The following PCSK5 variants were observed in gnomAD, a reference collection of about 807,000 sequenced individuals.
PCSK5 encodes prohormone convertase 5.
Under a neutral mutation model 233.2 loss-of-function variants are expected in PCSK5, and 129 were observed. That is an observed-to-expected ratio of 0.55 (90% CI 0.48 to 0.64). PCSK5 has a LOEUF of 0.64. PCSK5 is among the 30% of genes least tolerant of loss of function. The pLI is 0.00. For synonymous variants in PCSK5, 825 were observed against 879.2 expected, an observed-to-expected ratio of 0.94 and a Z score of 1.09; for missense variants, 2,076 against 2,430.1, an observed-to-expected ratio of 0.85 and a Z score of 3.06.
intron 4 of PCSK5, 87 bp from the exon 5 acceptor site, chr9:76,026,874 G>A (rs564517821): frequency 1.9e-5 from 16 of 856,218 alleles, no homozygotes; most frequent in Middle Eastern, 2.3e-4. Flanking sequence ...TGGCAGAAAT[G>A]TATTTAAAAA....
chr9:76,062,547 G>A (rs1407235758), intron 5 of PCSK5, among the ~76,000 whole-genome samples: 1 of 152,192 alleles, frequency 6.6e-6, no homozygotes, highest in Admixed American at 6.5e-5. Context: ...GCAGGGGTGT[G>A]TGTACACAGG....
intron 8 of PCSK5, among the ~76,000 whole-genome samples, chr9:76,098,051 C>T (rs1239078843): frequency 6.6e-6 from 1 of 152,196 alleles, no homozygotes; most frequent in Non-Finnish European, 1.5e-5. Flanking sequence ...AGAACTGTAC[C>T]TCCTTTGTGC....
intron 1 of PCSK5, among the ~76,000 whole-genome samples, chr9:75,905,111 A>G (rs1826203672): frequency 6.6e-6 from 1 of 152,152 alleles, no homozygotes. Flanking sequence ...ATCTATAGAG[A>G]CAGAGGGTAG....
chr9:76,289,091 T>C (rs968335292), intron 24 of PCSK5, among the ~76,000 whole-genome samples: 8 of 152,162 alleles, frequency 5.3e-5, no homozygotes, highest in African/African-American at 1.7e-4. Context: ...CAGGGGATCA[T>C]GAAGAGCTCT....
chr9:76,022,706 T>C (rs1435967839), intron 3 of PCSK5, among the ~76,000 whole-genome samples: 1 of 152,216 alleles, frequency 6.6e-6, no homozygotes, highest in African/African-American at 2.4e-5. Context: ...TGTTTGTATG[T>C]TGTAGCCATT....
chr9:76,229,595 GA>G (rs1378717996), intron 21 of PCSK5, among the ~76,000 whole-genome samples: 2 of 152,148 alleles, frequency 1.3e-5, no homozygotes, highest in East Asian at 1.9e-4. Context: ...TGAATTCAGA[GA>G]AAAAAATCTT....
chr9:76,126,433 G>A (rs1832856437), intron 9 of PCSK5, among the ~76,000 whole-genome samples: 1 of 152,118 alleles, frequency 6.6e-6, no homozygotes, highest in African/African-American at 2.4e-5. Context: ...GACCAACGTG[G>A]AGAAATCCCG....
intron 24 of PCSK5, among the ~76,000 whole-genome samples, chr9:76,247,072 G>A (rs867284733): frequency 1.3e-5 from 2 of 152,172 alleles, no homozygotes; most frequent in African/African-American, 4.8e-5. Flanking sequence ...TGTTCAGCTC[G>A]ATTAGGATGA....
At chr9:76,328,716 T>A (rs1829443848) in intron 33 of PCSK5, among the ~76,000 whole-genome samples, 1 of 152,234 alleles carries the variant, frequency 6.6e-6, no homozygotes. Context: ...ATTCATACAA[T>A]ACTTTAATAT....
chr9:75,966,184 AG>A (rs150375577), intron 2 of PCSK5, among the ~76,000 whole-genome samples: 2,621 of 152,286 alleles, frequency 0.017, 28 homozygotes, highest in Middle Eastern at 0.041. Flanking sequence ...ATACTGAGGC[AG>A]GGCTAGAAAG....
chr9:75,960,573 C>T (rs1032186815), intron 2 of PCSK5, among the ~76,000 whole-genome samples: 3 of 152,168 alleles, frequency 2.0e-5, no homozygotes, highest in African/African-American at 7.2e-5. Flanking sequence ...ATTTAAGACG[C>T]CAAAGATTGT....
At chr9:76,115,428 G>A (rs944704357) in intron 9 of PCSK5, among the ~76,000 whole-genome samples, 1 of 152,088 alleles carries the variant, frequency 6.6e-6, no homozygotes, top group Non-Finnish European at 1.5e-5. Flanking sequence ...AATTTAAACA[G>A]AGTGTTAGCA....
chr9:76,240,713 A>G, intron 24 of PCSK5, 29 bp downstream of exon 24: 1 of 1,469,040 alleles, frequency 6.8e-7, no homozygotes, highest in Non-Finnish European at 9.4e-7. Flanking sequence ...TCACCTAAAG[A>G]GTTGAAATAG....
chr9:76,075,934 T>G (rs555007935), intron 7 of PCSK5, among the ~76,000 whole-genome samples: 2 of 152,184 alleles, frequency 1.3e-5, no homozygotes, highest in South Asian at 2.1e-4. Flanking sequence ...AGTTCCTACA[T>G]TCTAGCAACA....
chr9:76,289,469 CCACACA>C (rs201456283), intron 24 of PCSK5, among the ~76,000 whole-genome samples: 8,882 of 129,748 alleles, frequency 0.068, 376 homozygotes, highest in African/African-American at 0.078. Context: ...ATTCCCCTCA[CCACACA>C]CACACACACA....
At chr9:76,062,369 G>C (rs1830060678) in intron 5 of PCSK5, among the ~76,000 whole-genome samples, 1 of 152,140 alleles carries the variant, frequency 6.6e-6, no homozygotes, top group Admixed American at 6.5e-5. Context: ...TAAGAAATTT[G>C]GGCAAAGGGC....
At chr9:76,138,691 A>C (rs1005651268) in intron 10 of PCSK5, among the ~76,000 whole-genome samples, 9 of 152,046 alleles carry the variant, frequency 5.9e-5, no homozygotes, top group Non-Finnish European at 1.2e-4. Context: ...CAAAGTGTTT[A>C]TATTGGATTA....
At chr9:76,144,763 C>T (rs1185057549) in intron 10 of PCSK5, among the ~76,000 whole-genome samples, 1 of 152,226 alleles carries the variant, frequency 6.6e-6, no homozygotes, top group African/African-American at 2.4e-5. Flanking sequence ...GCCATTGCTT[C>T]AGTCTTGATA....
At chr9:76,147,001 A>T (rs1823468589) in intron 10 of PCSK5, among the ~76,000 whole-genome samples, 2 of 152,176 alleles carry the variant, frequency 1.3e-5, no homozygotes, top group South Asian at 4.1e-4. Context: ...TTTGTGAAGC[A>T]TGCTCAATGC....
Sources: gnomAD v4.1 joint callset for allele counts (sites outside exome capture counted in the v4.1 genomes callset) on GRCh38, gnomAD v4.1.1 for gene constraint, MANE v1.5 for transcripts, NCBI Gene and HGNC (gene_info 2026-07-23, HGNC 2026-07-21) for gene names.